Variants in ASIC2 observed in about 807,000 individuals in gnomAD.
ASIC2 encodes acid sensing ion channel subunit 2.
In ASIC2, 25 loss-of-function variants were observed where a neutral mutation model predicts 57.3. That is an observed-to-expected ratio of 0.44 (90% CI 0.32 to 0.61). The LOEUF is 0.61. Ranked by LOEUF, ASIC2 falls within the 20% of genes least tolerant of loss-of-function variation. ASIC2 has a pLI of 0.06. For missense variants in ASIC2, 641 were observed against 738.1 expected (o/e 0.87, Z 1.52); for synonymous variants, 319 against 307.5 (o/e 1.04, Z -0.39).
intron 1 of ASIC2, among the ~76,000 whole-genome samples, chr17:33,497,000 C>T (rs936745609): frequency 1.3e-5 from 2 of 152,140 alleles, no homozygotes; most frequent in Admixed American, 6.5e-5. Flanking sequence ...TACCATGGTA[C>T]CCTCAGTGCC....
At chr17:33,549,012 A>G (rs1031815564) in intron 1 of ASIC2, among the ~76,000 whole-genome samples, 1 of 151,832 alleles carries the variant, frequency 6.6e-6, no homozygotes, top group Non-Finnish European at 1.5e-5. Context: ...TTGAGTATTT[A>G]TTTGTTCACT....
At chr17:33,764,907 A>G (rs1910890228) in intron 1 of ASIC2, among the ~76,000 whole-genome samples, 1 of 151,894 alleles carries the variant, frequency 6.6e-6, no homozygotes, top group Admixed American at 6.6e-5. Flanking sequence ...CCTGATTGTT[A>G]CTTTCTCTCT....
rs540702528 is a variant in ASIC2 at position 33,351,522 on chromosome 17, C to A, written c.556-239455G>T. Among the ~76,000 whole-genome samples the A allele has an allele frequency of 2.6e-5, 4 of 152,268 alleles. No homozygotes were observed. In the East Asian group the frequency reaches 7.7e-4, roughly 29 times the overall value. ...ATTTACACAGCCCCCAGGTACAGAG[C>A]CCACTGGGCACTTTTCTCCATGGGA... is the stretch of plus-strand genomic sequence containing the variant. On this transcript the variant is annotated intron_variant, in intron 1 of 9. Coordinates refer to the ASIC2 transcript ENST00000359872.
chr17:33,777,039 G>A (rs1911303235), intron 1 of ASIC2, among the ~76,000 whole-genome samples: 2 of 152,028 alleles, frequency 1.3e-5, no homozygotes, highest in African/African-American at 4.8e-5. Flanking sequence ...TGCCTCTTGG[G>A]CATGGCATCC....
chr17:33,783,074 CT>C (rs1198049384), intron 1 of ASIC2, among the ~76,000 whole-genome samples: 1 of 152,200 alleles, frequency 6.6e-6, no homozygotes. Context: ...AAGCACCCTG[CT>C]TACATTACTC....
chr17:33,692,250 A>G (rs1908396085), intron 1 of ASIC2: 1 of 152,152 alleles, frequency 6.6e-6, no homozygotes, highest in Admixed American at 6.5e-5. Flanking sequence ...TCCTATCATT[A>G]TCCTCTTCAC....
chr17:33,045,976 G>C (rs1315548718), intron 3 of ASIC2, among the ~76,000 whole-genome samples: 1 of 152,216 alleles, frequency 6.6e-6, no homozygotes, highest in Non-Finnish European at 1.5e-5. Context: ...CTGCGCAACT[G>C]CAAGAGGGTC....
chr17:33,447,473 A>G (rs569848592), intron 1 of ASIC2, among the ~76,000 whole-genome samples: 2 of 152,304 alleles, frequency 1.3e-5, no homozygotes, highest in Non-Finnish European at 2.9e-5. Flanking sequence ...TGAGTGAGTG[A>G]TCAGATCTTA....
chr17:33,891,246 T>A (rs1230551385), intron 1 of ASIC2, among the ~76,000 whole-genome samples: 1 of 152,170 alleles, frequency 6.6e-6, no homozygotes, highest in Non-Finnish European at 1.5e-5. Flanking sequence ...ACCACCCAAG[T>A]CTTAGTGTGA....
At chr17:34,139,409 C>G (rs978538757) in intron 1 of ASIC2, among the ~76,000 whole-genome samples, 4 of 151,998 alleles carry the variant, frequency 2.6e-5, no homozygotes, top group African/African-American at 4.8e-5. Context: ...TGTTTTCTTC[C>G]AAAAGTCAAC....
chr17:34,113,072 T>A (rs1177912892), intron 1 of ASIC2, among the ~76,000 whole-genome samples: 3 of 152,050 alleles, frequency 2.0e-5, no homozygotes, highest in Non-Finnish European at 4.4e-5. Context: ...GATCACAGTA[T>A]CTTCACTGTG....
chr17:34,126,061 G>C (rs1487202830), intron 1 of ASIC2, among the ~76,000 whole-genome samples: 1 of 152,126 alleles, frequency 6.6e-6, no homozygotes, highest in Admixed American at 6.5e-5. Flanking sequence ...GGTTACCTTG[G>C]GTAGGCACAT....
chr17:33,405,876 T>C (rs1238377744), intron 1 of ASIC2, among the ~76,000 whole-genome samples: 1 of 152,112 alleles, frequency 6.6e-6, no homozygotes, highest in African/African-American at 2.4e-5. Context: ...GGAGACAATA[T>C]TCCTCCACTC....
At chr17:33,237,564 G>T (rs2142115506) in intron 1 of ASIC2, among the ~76,000 whole-genome samples, 1 of 152,162 alleles carries the variant, frequency 6.6e-6, no homozygotes, top group Admixed American at 6.5e-5. Flanking sequence ...TGGTCAGGCT[G>T]GTCTCGAACT....
chr17:33,407,406 GT>G (rs1300036138), intron 1 of ASIC2, among the ~76,000 whole-genome samples: 1 of 152,198 alleles, frequency 6.6e-6, no homozygotes, highest in African/African-American at 2.4e-5. Context: ...TATTAACTGT[GT>G]AGTATCTTTG....
At chr17:33,322,579 T>TCATC (rs1302896143) in intron 1 of ASIC2, among the ~76,000 whole-genome samples, 1 of 152,200 alleles carries the variant, frequency 6.6e-6, no homozygotes, top group African/African-American at 2.4e-5. Context: ...ATTCATTCAT[T>TCATC]CATCCATAAT....
At chr17:34,012,709 CAG>C (rs2142022910) in intron 1 of ASIC2, among the ~76,000 whole-genome samples, 1 of 142,170 alleles carries the variant, frequency 7.0e-6, no homozygotes, top group Non-Finnish European at 1.6e-5. Flanking sequence ...TCCTTATGGA[CAG>C]AGAATGATTT....
At chr17:33,193,630 T>C (rs1231535323) in intron 1 of ASIC2, among the ~76,000 whole-genome samples, 2 of 152,176 alleles carry the variant, frequency 1.3e-5, no homozygotes, top group Non-Finnish European at 2.9e-5. Flanking sequence ...CATGTGGAAG[T>C]ACTCCAGCTC....
At chr17:33,870,147 G>A (rs1256478922) in intron 1 of ASIC2, among the ~76,000 whole-genome samples, 5 of 148,778 alleles carry the variant, frequency 3.4e-5, no homozygotes, top group African/African-American at 7.4e-5. Flanking sequence ...CGTAATAGAT[G>A]CTTCAGATAA....
Sources: gnomAD v4.1 joint callset for allele counts (sites outside exome capture counted in the v4.1 genomes callset) on GRCh38, gnomAD v4.1.1 for gene constraint, MANE v1.5 for transcripts, NCBI Gene and HGNC (gene_info 2026-07-23, HGNC 2026-07-21) for gene names.